Variants in VWF observed in about 807,000 individuals in gnomAD.
The protein encoded by VWF is Factor VIII related antigen.
In VWF, 176 loss-of-function variants were observed where a neutral mutation model predicts 308.6. The ratio of observed to expected loss-of-function variants is 0.57; its 90% CI spans 0.50 to 0.65. The LOEUF is 0.65. Among genes scored for constraint, VWF ranks in the 30% least tolerant of loss-of-function variants. The pLI is 0.00. For synonymous variants in VWF, 1,385 were observed against 1,443.4 expected, an observed-to-expected ratio of 0.96 and a Z score of 0.92; for missense variants, 3,146 against 3,648.2, an observed-to-expected ratio of 0.86 and a Z score of 3.55.
chr12:6,085,028 A>G (rs1944953399), intron 6 of VWF, among the ~76,000 whole-genome samples: 1 of 152,186 alleles, frequency 6.6e-6, no homozygotes, highest in African/African-American at 2.4e-5. Flanking sequence ...CCTCTCTCTA[A>G]GATAGCTGGG....
chr12:6,095,636 A>T, intron 5 of VWF, 52 bp from the exon 6 acceptor site: 1 of 1,613,254 alleles, frequency 6.2e-7, no homozygotes, highest in East Asian at 2.2e-5. Flanking sequence ...CTGTCCCAGA[A>T]CTTCTGGGTG....
chr12:6,002,911 C>T (rs1455190256), intron 34 of VWF, among the ~76,000 whole-genome samples: 1 of 151,854 alleles, frequency 6.6e-6, no homozygotes, highest in African/African-American at 2.4e-5. Flanking sequence ...GGGTGGGAGA[C>T]GGGGAAGATG....
Position 5,981,913 on chromosome 12 carries a change from T to C in VWF, c.7160A>G (p.Gln2387Arg). 2 of 1,454,782 alleles carry C rather than the reference T, an allele frequency of 1.4e-6. No homozygotes were observed. Among genetic ancestry groups the C allele is most frequent in the Non-Finnish European group, 9.2e-7 (1 of 1,083,378 alleles). 90.1% of individuals were successfully genotyped at this position (1,454,782 alleles called of 1,614,324 possible). A position where few individuals can be genotyped will look rare whatever the true frequency, so the allele number is the denominator to read the frequency against. Residue 2387 changes from glutamine (Q) to arginine (R), a missense_variant, in exon 42 of 52, where the codon CAG becomes CGG. By Grantham distance (43) the Gln-to-Arg change is conservative. Coordinates refer to ENST00000261405, the MANE Select transcript of VWF (RefSeq NM_000552.5). ...GGCACACTCATACTCATCACAGCAC[T>C]GGGTCTTCCGAAGGGTGGGCAAACG... The part of the protein sequence containing the change: ...PHRLPTLRKT[Q>R]CCDEYECACN...
chr12:6,073,727 C>G lies in VWF; in HGVS notation c.889G>C (p.Ala297Pro). The G allele has an allele frequency of 6.2e-7, 1 of 1,614,098 alleles. No homozygotes were observed. The highest frequency in any genetic ancestry group is 8.5e-7 in the Non-Finnish European group (1 of 1,180,026). ...ACACACTGCCTATACTCCATACCAG[C>G]AGGGCACACTGGGCCTGAAAAGGAA... ...DHSACSPVCP[A>P]GMEYRQCVSP... The change falls in exon 8 of 52, where the codon GCT becomes CCT. Residue 297 changes from alanine (A) to proline (P), a missense_variant. Ala to Pro is a conservative substitution (Grantham distance 27). Transcript: ENST00000261405.
chr12:6,061,546 C>T (rs1180257768), intron 13 of VWF, among the ~76,000 whole-genome samples: 2 of 151,664 alleles, frequency 1.3e-5, no homozygotes, highest in Admixed American at 1.3e-4. Flanking sequence ...CATAGCCACA[C>T]GAGGATGGAG....
At chr12:6,110,269 C>G in intron 5 of VWF, 105 bp downstream of exon 5, 1 of 1,213,728 alleles carries the variant, frequency 8.2e-7, no homozygotes, top group South Asian at 1.2e-5. Flanking sequence ...GGTGAGGTCA[C>G]AGTGAGGCTT....
intron 18 of VWF, among the ~76,000 whole-genome samples, chr12:6,040,500 G>A (rs944827428): frequency 5.9e-5 from 9 of 152,120 alleles, no homozygotes; most frequent in Non-Finnish European, 1.0e-4. Flanking sequence ...CCATGTGCTC[G>A]CTGCTCTCAT....
intron 5 of VWF, among the ~76,000 whole-genome samples, chr12:6,107,185 A>C (rs546817582): frequency 2.0e-5 from 3 of 152,364 alleles, no homozygotes; most frequent in Admixed American, 2.0e-4. Context: ...ATAGGGTATG[A>C]TTACAGTCAT....
intron 18 of VWF, among the ~76,000 whole-genome samples, chr12:6,041,613 T>C (rs1452557180): frequency 6.6e-6 from 1 of 151,710 alleles, no homozygotes; most frequent in African/African-American, 2.4e-5. Flanking sequence ...CACGCCCAGC[T>C]AATTTTTTGT....
chr12:6,013,682 C>T (rs1355685171), intron 31 of VWF, 37 bp from the exon 32 acceptor site: 2 of 1,610,882 alleles, frequency 1.2e-6, no homozygotes. Flanking sequence ...GATCTGTGGG[C>T]AAGAAGGCTC....
chr12:6,084,064 T>A (rs1944943541), intron 6 of VWF, among the ~76,000 whole-genome samples: 1 of 152,126 alleles, frequency 6.6e-6, no homozygotes, highest in Non-Finnish European at 1.5e-5. Flanking sequence ...ACATGAGAGA[T>A]AAATAAACTT....
intron 6 of VWF, among the ~76,000 whole-genome samples, chr12:6,087,501 G>T (rs979370881): frequency 5.4e-5 from 8 of 147,544 alleles, no homozygotes; most frequent in Non-Finnish European, 8.9e-5. Flanking sequence ...TGGGACTACA[G>T]GCGCCCGCCA....
chr12:5,954,064 G>C (rs369690351), intron 47 of VWF, among the ~76,000 whole-genome samples: 31 of 152,162 alleles, frequency 2.0e-4, no homozygotes, highest in African/African-American at 7.5e-4. Flanking sequence ...ACCAAATCTT[G>C]CCAAAAATGT....
At position 6,049,195 on chromosome 12, in the gene VWF, A is replaced by C. The variant is rs535596702; in HGVS notation, c.2187-2378T>G. ...TTCTCCAGTGTGTTGTCTAAAGAAT[A>C]AAAATAAACAGCGGCACACAGGCCC... On this transcript the variant is annotated intron_variant, in intron 16 of 51. Coordinates refer to ENST00000261405, the MANE Select transcript of VWF (RefSeq NM_000552.5). Among the ~76,000 whole-genome samples the C allele has an allele frequency of 3.9e-5, 6 of 152,288 alleles. No individual in the cohort carries two copies. The East Asian group carries it at 1.2e-3, about 29-fold the overall frequency.
intron 6 of VWF, among the ~76,000 whole-genome samples, chr12:6,086,573 A>G (rs564879228): frequency 4.3e-4 from 66 of 152,302 alleles, no homozygotes; most frequent in African/African-American, 1.5e-3. Context: ...CCAGTCTCCA[A>G]GAAAAGTCCA....
At position 5,967,548 on chromosome 12, in the gene VWF, C is replaced by T. The variant is rs750127803; in HGVS notation, c.7825G>A (p.Val2609Met). ...AGCTTGAATCCAGAGATGACCCCCA[C>T]CTGCACCATGCAGCGGCAGGTCGTG... ...VCTTCRCMVQ[V>M]GVISGFKLEC... Residue 2609 changes from valine to methionine, a missense_variant, in exon 47 of 52, where the codon GTG becomes ATG. Around this residue, in one of 3 missense-constraint regions of VWF, gnomAD observed 989 missense variants for 1,117.4 expected, o/e 0.89. Transcript: ENST00000261405. The T allele has an allele frequency of 8.1e-6, 13 of 1,614,168 alleles. No homozygotes were observed. The South Asian group carries it at 1.3e-4, about 16-fold the overall frequency.
chr12:6,097,479 T>C (rs550090337), intron 5 of VWF, among the ~76,000 whole-genome samples: 10 of 151,686 alleles, frequency 6.6e-5, no homozygotes, highest in African/African-American at 1.7e-4. Context: ...AAAAAAGACA[T>C]GGGCAGAGGG....
intron 40 of VWF, among the ~76,000 whole-genome samples, chr12:5,984,725 A>G (rs1322867433): frequency 2.0e-5 from 3 of 152,230 alleles, no homozygotes; most frequent in Non-Finnish European, 4.4e-5. Context: ...AGCAGCCTCA[A>G]AATCTTATTG....
intron 15 of VWF, 110 bp from the exon 16 acceptor site, chr12:6,052,893 AT>A: frequency 7.0e-7 from 1 of 1,428,592 alleles, no homozygotes; most frequent in Non-Finnish European, 9.4e-7. Context: ...TTTAATTAAA[AT>A]TTTTATTGAG....
Sources: gnomAD v4.1 joint callset for allele counts (sites outside exome capture counted in the v4.1 genomes callset) on GRCh38, gnomAD v4.1.1 for gene constraint, gnomAD v4.1.1 regional missense constraint, MANE v1.5 for transcripts, NCBI Gene and HGNC (gene_info 2026-07-23, HGNC 2026-07-21) for gene names.